NDUFAF2: variants seen among roughly 807,000 people sequenced by gnomAD.
NDUFAF2 encodes NADH dehydrogenase [ubiquinone] 1 alpha subcomplex assembly factor 2.
A neutral mutation model predicts 22.8 loss-of-function variants in NDUFAF2; 13 were observed. The observed-to-expected ratio is 0.57, with a 90% CI of 0.37 to 0.91. The LOEUF is 0.91. Ranked by LOEUF, NDUFAF2 falls within the 40% of genes least tolerant of loss-of-function variation. The pLI, the probability that NDUFAF2 is intolerant of heterozygous loss-of-function variation, is 0.01. For synonymous variants in NDUFAF2, 53 were observed against 64.2 expected (o/e 0.83, Z 0.84); for missense variants, 162 against 195.2 (o/e 0.83, Z 1.01).
chr5:61,096,597 CAAAA>C (rs35508356), intron 2 of NDUFAF2, among the ~76,000 whole-genome samples: 2 of 95,280 alleles, frequency 2.1e-5, no homozygotes, highest in Non-Finnish European at 2.1e-5. Context: ...GACACCATTG[CAAAA>C]AAAAAAAAAA....
At chr5:60,971,665 A>C (rs1357421327) in intron 1 of NDUFAF2, among the ~76,000 whole-genome samples, 2 of 118,968 alleles carry the variant, frequency 1.7e-5, no homozygotes, top group Non-Finnish European at 3.2e-5. Context: ...CCCTGTGTCC[A>C]AGTGTTCTCA....
chr5:61,145,993 A>C (rs1016043091), intron 3 of NDUFAF2: 1 of 152,184 alleles, frequency 6.6e-6, no homozygotes, highest in African/African-American at 2.4e-5. Context: ...ACACTGCTCT[A>C]TATCCCTAGT....
intron 1 of NDUFAF2, among the ~76,000 whole-genome samples, chr5:60,994,326 C>T (rs1232290728): frequency 1.3e-5 from 2 of 152,226 alleles, no homozygotes; most frequent in Non-Finnish European, 2.9e-5. Flanking sequence ...TGTAGCTGCA[C>T]CTGGCAGGGT....
intron 1 of NDUFAF2, among the ~76,000 whole-genome samples, chr5:60,947,585 G>T (rs944189396): frequency 6.6e-6 from 1 of 152,014 alleles, no homozygotes; most frequent in Non-Finnish European, 1.5e-5. Flanking sequence ...GGCCAACATG[G>T]TGAAACCCCA....
intron 1 of NDUFAF2, among the ~76,000 whole-genome samples, chr5:60,949,773 G>A (rs1750518141): frequency 6.6e-6 from 1 of 152,120 alleles, no homozygotes; most frequent in African/African-American, 2.4e-5. Context: ...TCACTGATTT[G>A]TAGTTTTCAG....
intron 1 of NDUFAF2, among the ~76,000 whole-genome samples, chr5:60,966,151 TG>T (rs1295151044): frequency 6.6e-6 from 1 of 152,228 alleles, no homozygotes; most frequent in Non-Finnish European, 1.5e-5. Context: ...ACATGCCTGA[TG>T]GCCATTTATA....
chr5:61,142,233 C>A (rs1741070987), intron 3 of NDUFAF2, among the ~76,000 whole-genome samples: 1 of 152,086 alleles, frequency 6.6e-6, no homozygotes, highest in African/African-American at 2.4e-5. Flanking sequence ...CTTAGAGGCC[C>A]TTTTTGCGTA....
intron 1 of NDUFAF2, among the ~76,000 whole-genome samples, chr5:61,006,276 G>A (rs904256969): frequency 6.6e-6 from 1 of 151,972 alleles, no homozygotes; most frequent in African/African-American, 2.4e-5. Flanking sequence ...ATTTCCGAGG[G>A]CTCTATTCTG....
intron 1 of NDUFAF2, among the ~76,000 whole-genome samples, chr5:61,018,288 C>T (rs530105663): frequency 2.0e-5 from 3 of 152,162 alleles, no homozygotes; most frequent in East Asian, 1.9e-4. Flanking sequence ...TTATTTAAAC[C>T]ACAGGAATTG....
At chr5:61,044,166 CTATT>C (rs1751918487) in intron 1 of NDUFAF2, among the ~76,000 whole-genome samples, 1 of 151,552 alleles carries the variant, frequency 6.6e-6, no homozygotes, top group South Asian at 2.1e-4. Context: ...TAACAAATGA[CTATT>C]TAGGTCCTTT....
chr5:61,117,214 A>G (rs1218606234), intron 3 of NDUFAF2, among the ~76,000 whole-genome samples: 2 of 152,210 alleles, frequency 1.3e-5, no homozygotes, highest in Non-Finnish European at 2.9e-5. Context: ...TGTAACTGTC[A>G]GACACTTTTA....
At chr5:60,999,872 T>G (rs1404457869) in intron 1 of NDUFAF2, among the ~76,000 whole-genome samples, 1 of 152,116 alleles carries the variant, frequency 6.6e-6, no homozygotes, top group Non-Finnish European at 1.5e-5. Flanking sequence ...AAATTAGATC[T>G]CTTACTATTT....
At chr5:61,006,690 T>G (rs957223376) in intron 1 of NDUFAF2, among the ~76,000 whole-genome samples, 1 of 152,180 alleles carries the variant, frequency 6.6e-6, no homozygotes, top group African/African-American at 2.4e-5. Flanking sequence ...AGCTATTTTA[T>G]TCTTTTTAAG....
intron 3 of NDUFAF2, among the ~76,000 whole-genome samples, chr5:61,108,153 A>G (rs1296430651): frequency 6.7e-6 from 1 of 148,654 alleles, no homozygotes; most frequent in Non-Finnish European, 1.5e-5. Flanking sequence ...TAGTGCTGCA[A>G]TAAACATACG....
At chr5:61,059,534 T>G (rs1752138583) in intron 1 of NDUFAF2, among the ~76,000 whole-genome samples, 1 of 152,118 alleles carries the variant, frequency 6.6e-6, no homozygotes, top group African/African-American at 2.4e-5. Flanking sequence ...ATTGTTCTGC[T>G]GTCTTTCTGG....
chr5:61,142,406 A>G (rs1329012805), intron 3 of NDUFAF2, among the ~76,000 whole-genome samples: 6 of 152,230 alleles, frequency 3.9e-5, no homozygotes, highest in Admixed American at 6.5e-5. Context: ...CCTAGCCAGC[A>G]AAGAATATAA....
intron 1 of NDUFAF2, among the ~76,000 whole-genome samples, chr5:61,068,974 A>C (rs192913074): frequency 1.2e-4 from 18 of 152,222 alleles, no homozygotes; most frequent in African/African-American, 4.3e-4. Flanking sequence ...CTTAAGCCTC[A>C]ATCTCTTTAT....
chr5:61,049,638 T>C lies in NDUFAF2; in HGVS notation c.128-23487T>C, dbSNP rs1751997700. 1.3e-5 allele frequency among the ~76,000 whole-genome samples: 2 copies of C among 152,270 alleles called. 1 individual carries two copies. The highest frequency in any genetic ancestry group is 4.1e-4 in the South Asian group (2 of 4,828). Reference sequence around the variant, plus strand: ...CCCACCATTCTGCTTTATGTGTTTATGAATTGAACTACTTTAAGTACCTCA... The same window carrying C: ...CCCACCATTCTGCTTTATGTGTTTACGAATTGAACTACTTTAAGTACCTCA... On this transcript the variant is annotated intron_variant, in intron 1 of 3. Transcript: ENST00000296597.
chr5:61,025,726 C>G (rs902337833), intron 1 of NDUFAF2, among the ~76,000 whole-genome samples: 1 of 151,940 alleles, frequency 6.6e-6, no homozygotes, highest in African/African-American at 2.4e-5. Context: ...GATTTATTTA[C>G]TGTCTTGACT....
Sources: allele counts gnomAD v4.1 joint callset (sites outside exome capture counted in the v4.1 genomes callset), GRCh38; gene constraint gnomAD v4.1.1; transcripts MANE v1.5; gene names NCBI Gene and HGNC (gene_info 2026-07-23, HGNC 2026-07-21).